The following TFR2 variants were observed in gnomAD, a reference collection of about 807,000 sequenced individuals.
The protein encoded by TFR2 is transferrin receptor protein 2.
In TFR2, 64 loss-of-function variants were observed where a neutral mutation model predicts 91.9. The observed-to-expected ratio is 0.70, with a 90% CI of 0.57 to 0.86. The LOEUF (loss-of-function observed/expected upper bound fraction) is 0.86, where lower values mean the gene tolerates loss of function less well. Ranked by LOEUF, TFR2 falls within the 40% of genes least tolerant of loss-of-function variation. TFR2 has a pLI of 0.00. For missense variants in TFR2, 950 were observed against 1,080.5 expected, an observed-to-expected ratio of 0.88 and a Z score of 1.69; for synonymous variants, 454 against 459.6, an observed-to-expected ratio of 0.99 and a Z score of 0.15.
rs1056668646 is a variant in TFR2, at chr7:100,627,397, G to A, written c.1862C>T (p.Ala621Val). 6.4e-7 allele frequency: 1 copy of A among 1,564,616 alleles called. No homozygotes were observed. Among genetic ancestry groups the A allele is most frequent in the Middle Eastern group, 1.7e-4 (1 of 5,992 alleles). Residue 621 changes from alanine (A) to valine (V), a missense_variant, in exon 16 of 18, where the codon GCC (alanine) becomes GTC (valine). Ala to Val is a moderately conservative substitution (Grantham distance 64). Transcript: ENST00000223051. ...GAGCTGCCCTGCGAGCTGGGCCACGGCCTGGGCCACGGCGGGCAGGCGGCC... is the reference window on the plus strand; with the variant it reads ...GAGCTGCCCTGCGAGCTGGGCCACGACCTGGGCCACGGCGGGCAGGCGGCC... ...LQGRLPAVAQAVAQLAGQLLI... is the reference protein window; with the variant it reads ...LQGRLPAVAQVVAQLAGQLLI...
At chr7:100,628,360 C>T in intron 10 of TFR2, 54 bp from the exon 11 acceptor site, 1 of 1,553,204 alleles carries the variant, frequency 6.4e-7, no homozygotes, top group Non-Finnish European at 8.9e-7. Flanking sequence ...CAAAGACCCT[C>T]CCCTTGTCTT....
chr7:100,626,446 A>C, intron 17 of TFR2: 4 of 871,736 alleles, frequency 4.6e-6, no homozygotes, highest in East Asian at 4.7e-5. Context: ...TCGAGGAGGC[A>C]GTGGGAGCTA....
intron 3 of TFR2, among the ~76,000 whole-genome samples, chr7:100,634,136 C>G (rs1165149279): frequency 6.7e-6 from 1 of 149,746 alleles, no homozygotes; most frequent in African/African-American, 2.5e-5. Context: ...CTTCCCGGCT[C>G]AAGCCAAACT....
At chr7:100,634,197 C>CACACAA in intron 3 of TFR2, among the ~76,000 whole-genome samples, 1 of 150,514 alleles carries the variant, frequency 6.6e-6, no homozygotes, top group Non-Finnish European at 1.5e-5. Flanking sequence ...CACACACACA[C>CACACAA]ACACACACAC....
chr7:100,621,799 G>A (rs920519807), intron 17 of TFR2, among the ~76,000 whole-genome samples: 1 of 152,154 alleles, frequency 6.6e-6, no homozygotes, highest in South Asian at 2.1e-4. Flanking sequence ...TGACGCAGCT[G>A]CTGTTCCGTC....
chr7:100,623,190 T>A (rs1444637242), intron 17 of TFR2, among the ~76,000 whole-genome samples: 1 of 149,838 alleles, frequency 6.7e-6, no homozygotes, highest in Non-Finnish European at 1.5e-5. Context: ...GGAGAATAGC[T>A]TTAACCCGGG....
intron 7 of TFR2, 38 bp from the exon 8 acceptor site, chr7:100,631,983 G>T: frequency 1.2e-6 from 2 of 1,614,066 alleles, no homozygotes; most frequent in Non-Finnish European, 1.7e-6. Flanking sequence ...GCTGCGAGCT[G>T]GGCTTCCAGG....
At chr7:100,641,342 CGTGGGGGAGGGGCAGGGGTGGG>C in intron 1 of TFR2, 113 bp downstream of exon 1, 2 of 194,550 alleles carry the variant, frequency 1.0e-5, no homozygotes, top group Non-Finnish European at 9.5e-6. Context: ...GTGGTGGGGG[CGTGGGGGAGGGGCAGGGGTGGG>C]AAGAAGCGAG....
intron 6 of TFR2, 125 bp from the exon 7 acceptor site, chr7:100,632,323 A>G: frequency 1.1e-6 from 1 of 906,236 alleles, no homozygotes; most frequent in South Asian, 1.3e-5. Flanking sequence ...ATGTGGGGGC[A>G]CTACCTGGCC....
In TFR2 at chr7:100,621,103, C is replaced by T. The variant is rs1342864748; in HGVS notation, c.2160G>A (p.Gln720=). 6.5e-7 allele frequency: 1 copy of T among 1,533,940 alleles called. No individual in the cohort carries two copies. ...IMRVEFYFLS[Q]YVSPADSPFR... is the part of the protein sequence containing the mutation. ...ACGGGGAGTCGGCTGGCGACACGTA[C>T]TGGGAAAGGAAGTAGAACTCCACCT... The change falls in exon 18 of 18, where the codon CAG becomes CAA. Residue 720 remains glutamine (Q), a synonymous_variant. Coordinates refer to ENST00000223051, the MANE Select transcript of TFR2 (RefSeq NM_003227.4).
At chr7:100,634,239 T>C (rs1803531683) in intron 3 of TFR2, among the ~76,000 whole-genome samples, 1 of 141,278 alleles carries the variant, frequency 7.1e-6, no homozygotes, top group Non-Finnish European at 1.5e-5. Flanking sequence ...ACACTTTCCT[T>C]CGAAAGAGCT....
Position 100,620,854 on chromosome 7 carries a change from G to C in TFR2, c.*3C>G. 1 of 1,614,008 alleles carries C rather than the reference G, an allele frequency of 6.2e-7. No homozygotes were observed. Among genetic ancestry groups the C allele is most frequent in the Non-Finnish European group, 8.5e-7 (1 of 1,179,850 alleles). On this transcript the variant is annotated 3_prime_UTR_variant, in exon 18 of 18. Transcript: ENST00000223051. Reference sequence around the variant, plus strand: ...GGACGGGGATGTGAGGATCCCCAGGGCCTCAGAAGTTGTTATCAATGTTCC... The same window carrying C: ...GGACGGGGATGTGAGGATCCCCAGGCCCTCAGAAGTTGTTATCAATGTTCC...
chr7:100,624,435 G>A (rs1803198703), intron 17 of TFR2, among the ~76,000 whole-genome samples: 1 of 152,210 alleles, frequency 6.6e-6, no homozygotes, highest in African/African-American at 2.4e-5. Context: ...AACTTTTTCT[G>A]TGAAATGCCA....
At position 100,621,219 on chromosome 7, in the gene TFR2, TTTTG is replaced by T. The variant is rs553324630; in HGVS notation, c.2137-97_2137-94del. The stretch of plus-strand genomic sequence containing the variant: ...TTCCCGCCAGCCAGTCTTTTTGTTT[TTTTG>T]TTTGTTTGTTTTCTTTTTGTGTTTG... On this transcript the variant is annotated intron_variant, in intron 17 of 17. Coordinates refer to ENST00000223051, the MANE Select transcript of TFR2 (RefSeq NM_003227.4). 2,222 of 1,375,724 alleles carry T rather than the reference TTTTG, an allele frequency of 1.6e-3. 18 individuals are homozygous for T. In the African/African-American group the frequency reaches 0.023, roughly 14 times the overall value. The allele number at this position is 1,375,724 out of a possible 1,614,324, so 85.2% of individuals were successfully genotyped here. A position where few individuals can be genotyped will look rare whatever the true frequency, so the allele number is the denominator to read the frequency against.
intron 17 of TFR2, among the ~76,000 whole-genome samples, chr7:100,623,460 A>T (rs972612073): frequency 6.6e-6 from 1 of 151,862 alleles, no homozygotes; most frequent in Admixed American, 6.6e-5. Flanking sequence ...GACATTTGCA[A>T]TCTGACCAAA....
chr7:100,632,146 G>A lies in TFR2; in HGVS notation c.902C>T (p.Pro301Leu), dbSNP rs1458641771. The change falls in exon 7 of 18, where the codon CCA becomes CTA. Residue 301 changes from proline (P) to leucine (L), a missense_variant. Transcript: ENST00000223051. ...GAQGVLIYPE[P>L]ADFSQDPPKP... is the part of the protein sequence containing the mutation. ...GGGTGGGTCCTGGGAGAAGTCCGCTGGCTCTGGGTATATGAGCACTCCTTG... is the reference window on the plus strand; with the variant it reads ...GGGTGGGTCCTGGGAGAAGTCCGCTAGCTCTGGGTATATGAGCACTCCTTG... 1 of 1,614,132 alleles carries A rather than the reference G, an allele frequency of 6.2e-7. No individual in the cohort carries two copies. Among genetic ancestry groups the A allele is most frequent in the Non-Finnish European group, 8.5e-7 (1 of 1,180,020 alleles).
Position 100,627,786 on chromosome 7 carries a change from T to A in TFR2, c.1640A>T (p.Tyr547Phe), listed in dbSNP as rs573769443. 197 of 1,613,858 alleles carry A rather than the reference T, an allele frequency of 1.2e-4. No homozygotes were observed. The highest frequency in any genetic ancestry group is 4.9e-4 in the Middle Eastern group (3 of 6,062). ...DSPNHSGQTLYEQVVFTNPSW... is the reference protein window; with the variant it reads ...DSPNHSGQTLFEQVVFTNPSW... ...GGGATTGGTGAACACCACCTGTTCA[T>A]AGAGAGTCTGCCCACTGTGGTTGGG... The change falls in exon 14 of 18, where the codon TAT becomes TTT. Residue 547 changes from tyrosine (Y) to phenylalanine (F), a missense_variant. Coordinates refer to ENST00000223051, the MANE Select transcript of TFR2 (RefSeq NM_003227.4).
At position 100,631,940 on chromosome 7, in the gene TFR2, G is replaced by A. The variant is rs764399097; in HGVS notation, c.972C>T (p.His324=). ...GTGTGTAGGGGTCTCCAGTTCCCAG[G>A]TGCACCTGCAGGGAAAGGGGTGCCC... ...SSQQAVYGHV[H]LGTGDPYTPG... Residue 324 remains histidine (H), a synonymous_variant, in exon 8 of 18, where the codon CAC becomes CAT. Transcript: ENST00000223051. The A allele has an allele frequency of 3.1e-6, 5 of 1,614,014 alleles. No individual in the cohort carries two copies. The highest frequency in any genetic ancestry group is 4.2e-6 in the Non-Finnish European group (5 of 1,179,968).
Position 100,627,248 on chromosome 7 carries a change from G to C in TFR2, c.1995+16C>G. 3 of 1,547,628 alleles carry C rather than the reference G, an allele frequency of 1.9e-6. No homozygotes were observed. The highest frequency in any genetic ancestry group is 2.6e-6 in the Non-Finnish European group (3 of 1,145,590). On this transcript the variant is annotated intron_variant, in intron 16 of 17. Transcript: ENST00000223051. ...TCCCACTCCCAGAGACCAAGAGCGG[G>C]GTGGGCCTCTTGAACCTTGAGGTCC...
Sources: gnomAD v4.1 joint callset for allele counts (sites outside exome capture counted in the v4.1 genomes callset) on GRCh38, gnomAD v4.1.1 for gene constraint, MANE v1.5 for transcripts, NCBI Gene and HGNC (gene_info 2026-07-23, HGNC 2026-07-21) for gene names.